Variants in MYLK3 observed in about 807,000 individuals in gnomAD.
MYLK3 encodes MLC kinase.
Under a neutral mutation model 76.3 loss-of-function variants are expected in MYLK3, and 55 were observed. The ratio of observed to expected loss-of-function variants is 0.72; its 90% CI spans 0.58 to 0.90. MYLK3 has a LOEUF of 0.90. Ranked by LOEUF, MYLK3 falls within the 40% of genes least tolerant of loss-of-function variation. The pLI is 0.00. For missense variants in MYLK3, 973 were observed against 1,053.6 expected (o/e 0.92, Z 1.06); for synonymous variants, 416 against 425.4 (o/e 0.98, Z 0.27).
chr16:46,761,588 A>T (rs542901447), intron 1 of MYLK3, among the ~76,000 whole-genome samples: 1 of 152,246 alleles, frequency 6.6e-6, no homozygotes, highest in East Asian at 1.9e-4. Flanking sequence ...AGGCTGAGGC[A>T]GGTGGATCAC....
At chr16:46,761,852 C>A (rs1056538598) in intron 1 of MYLK3, among the ~76,000 whole-genome samples, 1 of 150,714 alleles carries the variant, frequency 6.6e-6, no homozygotes, top group Non-Finnish European at 1.5e-5. Context: ...ATTCCACAGG[C>A]TGTAATGTGT....
chr16:46,712,875 C>A, intron 9 of MYLK3, 99 bp from the exon 10 acceptor site: 1 of 1,269,562 alleles, frequency 7.9e-7, no homozygotes. Context: ...CCCCACTTCC[C>A]ATCAGCCATA....
At chr16:46,708,282 A>G (rs1271057058) in intron 12 of MYLK3, among the ~76,000 whole-genome samples, 1 of 152,198 alleles carries the variant, frequency 6.6e-6, no homozygotes, top group East Asian at 1.9e-4. Flanking sequence ...TTTATTTTTC[A>G]TCAGCCTACA....
At chr16:46,757,691 C>A (rs1044623172) in intron 1 of MYLK3, 2 of 837,970 alleles carry the variant, frequency 2.4e-6, no homozygotes, top group Non-Finnish European at 2.9e-6. Context: ...CAGGCCCCAG[C>A]GGCATCCAGA....
chr16:46,760,008 A>G (rs1004695642), intron 1 of MYLK3, among the ~76,000 whole-genome samples: 1 of 152,214 alleles, frequency 6.6e-6, no homozygotes, highest in African/African-American at 2.4e-5. Flanking sequence ...GAGGGGCTAC[A>G]TCTTCCAGCT....
In MYLK3 at chr16:46,755,415, G is replaced by A. The variant is rs374900862; in HGVS notation, c.-114+7625C>T. On this transcript the variant is annotated intron_variant, in intron 1 of 11. Transcript: ENST00000536476. ...GGAGGTTGGAGTGAGCCGAGATTGC[G>A]CCATTGCACTCCAGCCTGGGTGACA... 1.5e-4 allele frequency among the ~76,000 whole-genome samples: 22 copies of A among 150,422 alleles called. No homozygotes were observed. In the East Asian group the frequency reaches 2.0e-3, roughly 13 times the overall value.
chr16:46,762,983 A>G (rs1372158860), intron 1 of MYLK3: 2 of 984,658 alleles, frequency 2.0e-6, no homozygotes, highest in African/African-American at 1.7e-5. Context: ...TCCCTAATAC[A>G]CTGCTGAAAA....
At chr16:46,715,441 C>T (rs551390533) in intron 9 of MYLK3, among the ~76,000 whole-genome samples, 23 of 152,300 alleles carry the variant, frequency 1.5e-4, no homozygotes, top group African/African-American at 5.1e-4. Flanking sequence ...TCCATCAAAA[C>T]GCTCTCTTCA....
At chr16:46,720,855 C>A (rs907494131) in intron 9 of MYLK3, among the ~76,000 whole-genome samples, 1 of 152,294 alleles carries the variant, frequency 6.6e-6, no homozygotes, top group Non-Finnish European at 1.5e-5. Context: ...CCCCCTTCAC[C>A]ATCACTCTCC....
chr16:46,727,338 C>T lies in MYLK3; in HGVS notation c.1812G>A (p.Glu604=). The change falls in exon 8 of 13, where the codon GAG becomes GAA. Residue 604 remains glutamate, a synonymous_variant. Coordinates refer to ENST00000394809, the MANE Select transcript of MYLK3 (RefSeq NM_182493.3). The stretch of plus-strand genomic sequence containing the variant: ...CATCCAGCTCAGTCAGGTGGTACTT[C>T]TCATCTGTGATCCGGTCGAAGAGCT... ...GGELFDRITD[E]KYHLTELDVV... is the part of the protein sequence containing the mutation. The T allele has an allele frequency of 6.2e-7, 1 of 1,613,770 alleles. No homozygotes were observed. Among genetic ancestry groups the T allele is most frequent in the East Asian group, 2.2e-5 (1 of 44,872 alleles).
intron 9 of MYLK3, among the ~76,000 whole-genome samples, chr16:46,717,599 C>G (rs1204598028): frequency 6.6e-6 from 1 of 152,126 alleles, no homozygotes; most frequent in Admixed American, 6.6e-5. Context: ...GGCGCCCCCC[C>G]CACCTCCCCT....
chr16:46,737,749 C>T lies in MYLK3; in HGVS notation c.963G>A (p.Gln321=). ...CTCCACCACTGTGGGTTGCCCTGGCCTGGGCTGGCAGCCCTGGAGGCCCTG... is the reference window on the plus strand; with the variant it reads ...CTCCACCACTGTGGGTTGCCCTGGCTTGGGCTGGCAGCCCTGGAGGCCCTG... ...QCPGPPGLPA[Q]ARATHSGGET... The change falls in exon 3 of 13, where the codon CAG becomes CAA. Residue 321 remains glutamine (Q), a synonymous_variant. Coordinates refer to ENST00000394809, the MANE Select transcript of MYLK3 (RefSeq NM_182493.3). 1 of 1,609,888 alleles carries T rather than the reference C, an allele frequency of 6.2e-7. No individual in the cohort carries two copies. Among genetic ancestry groups the T allele is most frequent in the Non-Finnish European group, 8.5e-7 (1 of 1,178,556 alleles).
chr16:46,755,487 T>C (rs1442873250), intron 1 of MYLK3, among the ~76,000 whole-genome samples: 1 of 147,594 alleles, frequency 6.8e-6, no homozygotes, highest in Non-Finnish European at 1.5e-5. Context: ...CAAGAAACAA[T>C]AGCTTCAACC....
At chr16:46,721,841 G>T (rs1184958548) in intron 8 of MYLK3, among the ~76,000 whole-genome samples, 2 of 152,094 alleles carry the variant, frequency 1.3e-5, no homozygotes. Context: ...ATCATCAGGG[G>T]AGCTTTTAAA....
chr16:46,750,883 C>T (rs1395837033), upstream of MYLK3, among the ~76,000 whole-genome samples: 2 of 151,994 alleles, frequency 1.3e-5, no homozygotes, highest in Non-Finnish European at 2.9e-5. Flanking sequence ...ATCCCAGCTA[C>T]TTGGGAGGCT....
chr16:46,714,482 G>A (rs562031637), intron 9 of MYLK3, among the ~76,000 whole-genome samples: 4 of 152,066 alleles, frequency 2.6e-5, no homozygotes, highest in African/African-American at 9.7e-5. Context: ...ACTGGGCCTC[G>A]GGGGGCAAGC....
chr16:46,719,412 G>A (rs1000857366), intron 9 of MYLK3, among the ~76,000 whole-genome samples: 1 of 152,148 alleles, frequency 6.6e-6, no homozygotes, highest in Non-Finnish European at 1.5e-5. Flanking sequence ...CCTAGAAGCT[G>A]GGCATACAAC....
At chr16:46,761,497 C>T (rs1234024203) in intron 1 of MYLK3, among the ~76,000 whole-genome samples, 1 of 151,886 alleles carries the variant, frequency 6.6e-6, no homozygotes, top group Non-Finnish European at 1.5e-5. Flanking sequence ...TGGGTGGTGT[C>T]ACAAGAGTGT....
At chr16:46,729,817 T>C in intron 5 of MYLK3, 130 bp from the exon 6 acceptor site, 1 of 758,342 alleles carries the variant, frequency 1.3e-6, no homozygotes, top group Non-Finnish European at 2.2e-6. Context: ...GTGCAGCCTG[T>C]CATCACCCCA....
Sources: gnomAD v4.1 joint callset for allele counts (sites outside exome capture counted in the v4.1 genomes callset) on GRCh38, gnomAD v4.1.1 for gene constraint, MANE v1.5 for transcripts, NCBI Gene and HGNC (gene_info 2026-07-23, HGNC 2026-07-21) for gene names.